The following KLF13 variants were observed in gnomAD, a reference collection of about 807,000 sequenced individuals.
KLF13 encodes Krueppel-like factor 13.
In KLF13, 8 loss-of-function variants were observed where a neutral mutation model predicts 16.7. The observed-to-expected ratio is 0.48, with a 90% CI of 0.28 to 0.87. The LOEUF (loss-of-function observed/expected upper bound fraction) is 0.87, where lower values mean the gene tolerates loss of function less well. Among genes scored for constraint, KLF13 ranks in the 40% least tolerant of loss-of-function variants. The pLI is 0.10. For missense variants in KLF13, 447 were observed against 452.2 expected (o/e 0.99, Z 0.10); for synonymous variants, 245 against 208.4 (o/e 1.18, Z -1.51).
chr15:31,383,770 T>C lies in KLF13; in HGVS notation n.224-51600T>C, dbSNP rs371337077. ...AAAAAAAATTAGCTGGGCGTGGTGG[T>C]GGGCGCCTGTAGTCCCAGCTACTCG... On this transcript the variant is annotated intron_variant and non_coding_transcript_variant, in intron 1 of 1. Coordinates refer to the KLF13 transcript ENST00000558921. 2.5e-3 allele frequency among the ~76,000 whole-genome samples: 379 copies of C among 152,080 alleles called. 1 individual carries two copies. Among genetic ancestry groups the C allele is most frequent in the Middle Eastern group, 0.014 (4 of 292 alleles).
downstream of KLF13, among the ~76,000 whole-genome samples, chr15:31,380,311 AAAG>A (rs751264437): frequency 1.3e-5 from 2 of 152,202 alleles, no homozygotes; most frequent in Non-Finnish European, 2.9e-5. Flanking sequence ...ATAAATTAAT[AAAG>A]AAGGACTTCC....
chr15:31,381,799 G>C (rs2039729991), downstream of KLF13, among the ~76,000 whole-genome samples: 1 of 152,200 alleles, frequency 6.6e-6, no homozygotes, highest in Non-Finnish European at 1.5e-5. Flanking sequence ...AGGAGTAATA[G>C]TAAAAATAAT....
chr15:31,413,587 AATC>A (rs1192220831), intron 1 of KLF13, among the ~76,000 whole-genome samples: 2 of 152,126 alleles, frequency 1.3e-5, no homozygotes, highest in Admixed American at 6.5e-5. Context: ...CAAAGAAAAA[AATC>A]ATCAAGGAAG....
At chr15:31,390,371 CA>C (rs1355144031), upstream of KLF13, among the ~76,000 whole-genome samples, 1 of 152,186 alleles carries the variant, frequency 6.6e-6, no homozygotes, top group Non-Finnish European at 1.5e-5. Context: ...GGAGGTCTAA[CA>C]GTATCTTTTT....
In KLF13 at chr15:31,364,956, A is replaced by G. The variant is rs1024337012; in HGVS notation, c.578-7054A>G. Among the ~76,000 whole-genome samples, 10 of 152,336 alleles carry G rather than the reference A, an allele frequency of 6.6e-5. No individual in the cohort carries two copies. In the East Asian group the frequency reaches 1.9e-3, roughly 29 times the overall value. On this transcript the variant is annotated intron_variant, in intron 1 of 1. Coordinates refer to ENST00000307145, the MANE Select transcript of KLF13 (RefSeq NM_015995.4). ...GCCTTTCTGCTACCCCTGAGGCTGTATGCCTGAGTTTCATTGGAGGCCAGC... is the reference window on the plus strand; with the variant it reads ...GCCTTTCTGCTACCCCTGAGGCTGTGTGCCTGAGTTTCATTGGAGGCCAGC...
At chr15:31,414,085 G>C (rs1435920794) in intron 1 of KLF13, among the ~76,000 whole-genome samples, 1 of 152,086 alleles carries the variant, frequency 6.6e-6, no homozygotes, top group East Asian at 1.9e-4. Context: ...CAGAAATGGG[G>C]GACATGGAAC....
chr15:31,357,835 G>C (rs988424393), intron 1 of KLF13, among the ~76,000 whole-genome samples: 2 of 151,970 alleles, frequency 1.3e-5, no homozygotes, highest in Non-Finnish European at 2.9e-5. Context: ...AGAGACTCCC[G>C]AGCCTTTGTG....
At chr15:31,340,417 C>T (rs562750265) in intron 1 of KLF13, among the ~76,000 whole-genome samples, 67 of 152,340 alleles carry the variant, frequency 4.4e-4, no homozygotes, top group African/African-American at 1.5e-3. Flanking sequence ...AGCTCTCCTG[C>T]GGTTGGGTGG....
At chr15:31,388,822 A>C (rs187076210), upstream of KLF13, among the ~76,000 whole-genome samples, 231 of 144,954 alleles carry the variant, frequency 1.6e-3, 2 homozygotes, top group African/African-American at 4.7e-3. Context: ...CATTCCCCCC[A>C]CACACACCAG....
At chr15:31,338,102 A>G (rs2038960603) in intron 1 of KLF13, among the ~76,000 whole-genome samples, 1 of 152,176 alleles carries the variant, frequency 6.6e-6, no homozygotes. Context: ...TTCCCTAATG[A>G]TGGGCTGGGT....
At chr15:31,396,186 C>T (rs373649880) in intron 2 of KLF13, among the ~76,000 whole-genome samples, 33 of 152,224 alleles carry the variant, frequency 2.2e-4, no homozygotes, top group South Asian at 4.2e-4. Flanking sequence ...CTACCACGCC[C>T]GGCTAATTTT....
At chr15:31,339,038 G>A (rs963026681) in intron 1 of KLF13, among the ~76,000 whole-genome samples, 11 of 152,040 alleles carry the variant, frequency 7.2e-5, no homozygotes, top group African/African-American at 1.4e-4. Flanking sequence ...TCCTTCTTCC[G>A]CCCTCTGGGG....
At chr15:31,397,022 T>G (rs1188373900) in intron 2 of KLF13, among the ~76,000 whole-genome samples, 1 of 151,984 alleles carries the variant, frequency 6.6e-6, no homozygotes, top group African/African-American at 2.4e-5. Context: ...TTTGCAGTGG[T>G]GGTTTCAACA....
chr15:31,359,837 C>T (rs921190506), intron 1 of KLF13, among the ~76,000 whole-genome samples: 1 of 152,178 alleles, frequency 6.6e-6, no homozygotes, highest in Non-Finnish European at 1.5e-5. Context: ...TGCTTACTCT[C>T]CCTCGTCTAC....
chr15:31,418,430 C>T (rs2040282190), intron 1 of KLF13, among the ~76,000 whole-genome samples: 2 of 152,038 alleles, frequency 1.3e-5, no homozygotes, highest in Admixed American at 6.6e-5. Context: ...AAGGAATTGA[C>T]CAAACCAAAA....
Position 31,327,681 on chromosome 15 carries a change from C to G in KLF13, c.469C>G (p.Arg157Gly), listed in dbSNP as rs1454014080. 1.3e-6 allele frequency: 2 copies of G among 1,520,940 alleles called. No homozygotes were observed. Among genetic ancestry groups the G allele is most frequent in the Non-Finnish European group, 1.8e-6 (2 of 1,131,002 alleles). The allele number at this position is 1,520,940 out of a possible 1,614,324, so 94.2% of individuals were successfully genotyped here. A position where few individuals can be genotyped will look rare whatever the true frequency, so the allele number is the denominator to read the frequency against. The change falls in exon 1 of 2, where the codon CGC (arginine) becomes GGC (glycine). Residue 157 changes from arginine to glycine, a missense_variant. Arg to Gly is a moderately radical substitution (Grantham distance 125). This residue lies in a region of KLF13 where 359 missense variants were observed against 282.8 expected (regional missense o/e 1.27). Coordinates refer to ENST00000307145, the MANE Select transcript of KLF13 (RefSeq NM_015995.4). ...LRQRVRRGRSRADLESPQRKH... is the reference protein window; with the variant it reads ...LRQRVRRGRSGADLESPQRKH... ...ACAAAGGGTCCGGCGGGGCCGAAGT[C>G]GCGCCGACCTCGAGTCCCCGCAGAG...
In KLF13 at chr15:31,418,225, A is replaced by AT. The variant is rs909361389; in HGVS notation, n.118-17137dup. Reference sequence around the variant, plus strand: ...AGCAGCTAAAGTTGTACTTTAGAGGATTTTTTTTAGCCTTCAAACATAAAA... The same window carrying AT: ...AGCAGCTAAAGTTGTACTTTAGAGGATTTTTTTTTAGCCTTCAAACATAAAA... On this transcript the variant is annotated intron_variant and non_coding_transcript_variant, in intron 1 of 1. Transcript: ENST00000558225. 1.2e-4 allele frequency among the ~76,000 whole-genome samples: 18 copies of AT among 152,112 alleles called. No individual in the cohort carries two copies. The East Asian group carries it at 2.9e-3, about 24-fold the overall frequency.
chr15:31,359,112 C>T (rs1015087995), intron 1 of KLF13, among the ~76,000 whole-genome samples: 25 of 152,184 alleles, frequency 1.6e-4, no homozygotes, highest in African/African-American at 5.1e-4. Flanking sequence ...CCTTCACTTG[C>T]ACAATCCATG....
upstream of KLF13, among the ~76,000 whole-genome samples, chr15:31,388,951 CCTA>C (rs758687257): frequency 4.6e-5 from 7 of 151,440 alleles, no homozygotes; most frequent in Admixed American, 1.3e-4. Context: ...TACTTGTCCT[CCTA>C]CTTTGTGATT....
Sources: gnomAD v4.1 joint callset for allele counts (sites outside exome capture counted in the v4.1 genomes callset) on GRCh38, gnomAD v4.1.1 for gene constraint, gnomAD v4.1.1 regional missense constraint, MANE v1.5 for transcripts, NCBI Gene and HGNC (gene_info 2026-07-23, HGNC 2026-07-21) for gene names.